The following CCDC85C variants were observed in gnomAD, a reference collection of about 807,000 sequenced individuals.
CCDC85C encodes coiled-coil domain-containing protein 85C.
CCDC85C carries 18 observed loss-of-function variants against 38.3 expected under a neutral mutation model. The observed-to-expected ratio is 0.47, with a 90% CI of 0.33 to 0.70. CCDC85C has a LOEUF of 0.70. CCDC85C is among the 30% of genes least tolerant of loss of function. The pLI, the probability that CCDC85C is intolerant of heterozygous loss-of-function variation, is 0.03. For synonymous variants in CCDC85C, 264 were observed against 293.8 expected (o/e 0.90, Z 1.04); for missense variants, 566 against 621.2 (o/e 0.91, Z 0.94).
chr14:99,583,098 G>C (rs1185545729), intron 1 of CCDC85C: 1 of 152,110 alleles, frequency 6.6e-6, no homozygotes, highest in African/African-American at 2.4e-5. Context: ...CACTCCCACT[G>C]CTTCACTTGA....
In CCDC85C at chr14:99,515,402, G is replaced by A. The variant is rs371372358; in HGVS notation, c.1171-67C>T. 36 of 1,194,126 alleles carry A rather than the reference G, an allele frequency of 3.0e-5. No homozygotes were observed. In the Admixed American group the frequency reaches 3.5e-4, roughly 11 times the overall value. 74.0% of individuals were successfully genotyped at this position (1,194,126 alleles called of 1,614,324 possible). ...GTCCACCTGCCGCCTATGCACATCCGCCGCCTCATCACGGCAGAATCACCC... is the reference window on the plus strand; with the variant it reads ...GTCCACCTGCCGCCTATGCACATCCACCGCCTCATCACGGCAGAATCACCC... On this transcript the variant is annotated intron_variant, in intron 5 of 5. Transcript: ENST00000380243.
At position 99,501,227 on chromosome 14, in the gene CCDC85C, T is replaced by C; in HGVS notation, c.*14019A>G. The C allele has an allele frequency of 1.5e-6, 1 of 676,230 alleles. No homozygotes were observed. The highest frequency in any genetic ancestry group is 2.6e-5 in the East Asian group (1 of 38,246). 41.9% of individuals were successfully genotyped at this position (676,230 alleles called of 1,614,324 possible). Reference sequence around the variant, plus strand: ...GTGGACCCACATCATTCATCCTTGTTTCCCACGCAAAAGCTCTTTGCTGTG... The same window carrying C: ...GTGGACCCACATCATTCATCCTTGTCTCCCACGCAAAAGCTCTTTGCTGTG... On this transcript the variant is annotated 3_prime_UTR_variant, in exon 6 of 6. Transcript: ENST00000380243.
intron 1 of CCDC85C, among the ~76,000 whole-genome samples, chr14:99,564,725 C>G (rs972057834): frequency 6.6e-6 from 1 of 152,152 alleles, no homozygotes; most frequent in Non-Finnish European, 1.5e-5. Context: ...TTCGTCCAGG[C>G]CCATCTCACA....
intron 1 of CCDC85C, among the ~76,000 whole-genome samples, chr14:99,595,008 T>C (rs1263028212): frequency 6.6e-6 from 1 of 152,192 alleles, no homozygotes; most frequent in East Asian, 1.9e-4. Context: ...CTGGGTCCTC[T>C]TGGAAAGTCC....
At chr14:99,577,397 G>GGCCCAGGACAGGGTGGGTGGGGGA (rs1158236636) in intron 1 of CCDC85C, among the ~76,000 whole-genome samples, 1 of 144,142 alleles carries the variant, frequency 6.9e-6, no homozygotes, top group African/African-American at 2.5e-5. Flanking sequence ...GGGCTCCCTG[G>GGCCCAGGACAGGGTGGGTGGGGGA]GCCCAGGACA....
chr14:99,568,484 T>TG (rs1898267863), intron 1 of CCDC85C, among the ~76,000 whole-genome samples: 1 of 152,010 alleles, frequency 6.6e-6, no homozygotes, highest in East Asian at 1.9e-4. Flanking sequence ...CCAGCTTCCT[T>TG]GGGGGGTGGG....
chr14:99,585,382 C>G (rs951380180), intron 1 of CCDC85C, among the ~76,000 whole-genome samples: 2 of 152,078 alleles, frequency 1.3e-5, no homozygotes, highest in African/African-American at 4.8e-5. Context: ...GGTGTGGGGA[C>G]CCCAGAGCCA....
rs768625861 is a variant in CCDC85C at position 99,578,176 on chromosome 14, A to AGTGT, written c.793+24987_793+24990dup. On this transcript the variant is annotated intron_variant, in intron 1 of 5. Transcript: ENST00000380243. ...TACAGCCCGTCCTGTATCCCCCATC[A>AGTGT]GTGTGTGTGTGTGTGTGTGTACATA... 6.5e-3 allele frequency among the ~76,000 whole-genome samples: 446 copies of AGTGT among 68,100 alleles called. 42 individuals are homozygous for AGTGT. Among genetic ancestry groups the AGTGT allele is most frequent in the African/African-American group, 0.03 (420 of 13,998 alleles). The allele number at this position is 68,100 out of a possible 152,430, so 44.7% of individuals were successfully genotyped here.
intron 1 of CCDC85C, among the ~76,000 whole-genome samples, chr14:99,597,527 C>A (rs917435874): frequency 1.3e-5 from 2 of 152,142 alleles, no homozygotes; most frequent in Admixed American, 6.5e-5. Flanking sequence ...CCTGACACAG[C>A]GCTCCCCAGC....
At position 99,501,752 on chromosome 14, in the gene CCDC85C, T is replaced by G. The variant is rs1193366868; in HGVS notation, c.*13494A>C. ...TACTTCCTGGTATAGTTTTAGAGCC[T>G]TAACACTCTTTTGAGAGGCCAGGGA... On this transcript the variant is annotated 3_prime_UTR_variant, in exon 6 of 6. Coordinates refer to ENST00000380243, the MANE Select transcript of CCDC85C (RefSeq NM_001144995.2). The G allele has an allele frequency of 3.6e-6, 1 of 274,646 alleles. No homozygotes were observed. The highest frequency in any genetic ancestry group is 2.2e-5 in the African/African-American group (1 of 44,554). The allele number at this position is 274,646 out of a possible 1,614,324, so 17.0% of individuals were successfully genotyped here. A position where few individuals can be genotyped will look rare whatever the true frequency, so the allele number is the denominator to read the frequency against.
chr14:99,535,983 C>T lies in CCDC85C; in HGVS notation c.867+32G>A. ...GGAGGGGTGGGTGCTGGGTCGCGGT[C>T]CTCAAGGCAGCGCCACCCGAAGCCG... On this transcript the variant is annotated intron_variant, in intron 2 of 5. Transcript: ENST00000380243. The surrounding 1 kb of genome is among the most constrained non-coding windows in gnomAD (Gnocchi z 5.5). 1 of 1,534,838 alleles carries T rather than the reference C, an allele frequency of 6.5e-7. No homozygotes were observed. Among genetic ancestry groups the T allele is most frequent in the Non-Finnish European group, 8.8e-7 (1 of 1,132,806 alleles).
chr14:99,558,513 C>T lies in CCDC85C; in HGVS notation c.794-22425G>A, dbSNP rs373269066. ...GCAGTTGCCTGTAATCCCAGCTACTCGGGAGGCTGAGGCAGGAGAATTGCT... is the reference window on the plus strand; with the variant it reads ...GCAGTTGCCTGTAATCCCAGCTACTTGGGAGGCTGAGGCAGGAGAATTGCT... On this transcript the variant is annotated intron_variant, in intron 1 of 5. Coordinates refer to ENST00000380243, the MANE Select transcript of CCDC85C (RefSeq NM_001144995.2). The surrounding 1 kb of genome is among the most constrained non-coding windows in gnomAD (Gnocchi z 4.2). 1.2e-4 allele frequency among the ~76,000 whole-genome samples: 19 copies of T among 152,118 alleles called. No individual in the cohort carries two copies. Among genetic ancestry groups the T allele is most frequent in the East Asian group, 5.8e-4 (3 of 5,164 alleles).
At chr14:99,587,107 C>T (rs1195898545) in intron 1 of CCDC85C, among the ~76,000 whole-genome samples, 1 of 152,230 alleles carries the variant, frequency 6.6e-6, no homozygotes, top group Non-Finnish European at 1.5e-5. Context: ...AAGGAGACCT[C>T]CCTCTTCCTC....
At chr14:99,559,499 A>C (rs1306632430) in intron 1 of CCDC85C, among the ~76,000 whole-genome samples, 5 of 152,026 alleles carry the variant, frequency 3.3e-5, no homozygotes, top group African/African-American at 1.2e-4. Flanking sequence ...GTCACCCACC[A>C]CATTTGCCAT....
At chr14:99,565,198 C>T (rs915793290) in intron 1 of CCDC85C, among the ~76,000 whole-genome samples, 22 of 152,328 alleles carry the variant, frequency 1.4e-4, no homozygotes, top group Non-Finnish European at 2.8e-4. Flanking sequence ...CGCTGGAGCC[C>T]ATCCCCCTGC....
intron 1 of CCDC85C, among the ~76,000 whole-genome samples, chr14:99,600,163 G>A (rs1187878771): frequency 6.6e-6 from 1 of 152,254 alleles, no homozygotes; most frequent in African/African-American, 2.4e-5. Flanking sequence ...TAAGCAGCAA[G>A]CACTTTTGAA....
rs76063188 is a variant in CCDC85C at position 99,515,136 on chromosome 14, C to T, written c.*110G>A. On this transcript the variant is annotated 3_prime_UTR_variant, in exon 6 of 6. Transcript: ENST00000380243. ...GGGCAGCGTCCTATGTACAGTTCAC[C>T]ACAGAGGAAGAAGACAGGGGCTGGG... The T allele has an allele frequency of 2.8e-3, 2,157 of 780,282 alleles. 31 individuals are homozygous for T. In the African/African-American group the frequency reaches 0.033, roughly 12 times the overall value. 48.3% of individuals were successfully genotyped at this position (780,282 alleles called of 1,614,324 possible). A position where few individuals can be genotyped will look rare whatever the true frequency, so the allele number is the denominator to read the frequency against.
At chr14:99,591,554 C>A (rs1044921101) in intron 1 of CCDC85C, among the ~76,000 whole-genome samples, 1 of 150,744 alleles carries the variant, frequency 6.6e-6, no homozygotes, top group Non-Finnish European at 1.5e-5. Flanking sequence ...TTTCAATCTG[C>A]GCAGGAGGCA....
intron 3 of CCDC85C, among the ~76,000 whole-genome samples, chr14:99,518,395 A>G (rs1897257129): frequency 6.6e-6 from 1 of 152,112 alleles, no homozygotes; most frequent in African/African-American, 2.4e-5. Context: ...GGTCTAGGAA[A>G]GCGTCATTGA....
Sources: gnomAD v4.1 joint callset for allele counts (sites outside exome capture counted in the v4.1 genomes callset) on GRCh38, gnomAD v4.1.1 for gene constraint, Gnocchi (gnomAD v3.1) non-coding constraint, MANE v1.5 for transcripts, NCBI Gene and HGNC (gene_info 2026-07-23, HGNC 2026-07-21) for gene names.